Variants in TAF15 observed in about 807,000 individuals in gnomAD.
TAF15 encodes the protein TATA-binding protein-associated factor 2N.
Under a neutral mutation model 102.5 loss-of-function variants are expected in TAF15, and 37 were observed. The observed-to-expected ratio is 0.36, with a 90% CI of 0.28 to 0.47. The LOEUF (loss-of-function observed/expected upper bound fraction) is 0.47. Among genes scored for constraint, TAF15 ranks in the 20% least tolerant of loss-of-function variants. The pLI, the probability that TAF15 is intolerant of heterozygous loss-of-function variation, is 0.99. For missense variants in TAF15, 652 were observed against 760.7 expected, an observed-to-expected ratio of 0.86 and a Z score of 1.68; for synonymous variants, 273 against 259.2, an observed-to-expected ratio of 1.05 and a Z score of -0.51.
intron 2 of TAF15, among the ~76,000 whole-genome samples, chr17:35,818,888 A>G (rs1280737246): frequency 6.6e-6 from 1 of 152,152 alleles, no homozygotes; most frequent in Admixed American, 6.5e-5. Flanking sequence ...GGTGTATAAT[A>G]TGCTAATGTG....
At chr17:35,840,247 C>CTTTTTTTTTTTTTTTTTTTTTTTTTT (rs370455465) in intron 11 of TAF15, among the ~76,000 whole-genome samples, 1 of 119,404 alleles carries the variant, frequency 8.4e-6, no homozygotes. Context: ...CGTTATTTTC[C>CTTTTTTTTTTTTTTTTTTTTTTTTTT]TTTTTTTTTT....
At position 35,846,924 on chromosome 17, in the gene TAF15, T is replaced by C. The variant is rs915922895; in HGVS notation, c.1758T>C (p.Asp586=). The change falls in exon 16 of 16, where the codon GAT becomes GAC. Residue 586 remains aspartate, a synonymous_variant. Transcript: ENST00000605844. ...TTCCTAGAAACGACTACAGAAATGATCAGCGCAACCGACCATACTGATGAC... is the reference window on the plus strand; with the variant it reads ...TTCCTAGAAACGACTACAGAAATGACCAGCGCAACCGACCATACTGATGAC... The part of the protein sequence containing the change: ...KMGGRNDYRN[D]QRNRPY 6.2e-7 allele frequency: 1 copy of C among 1,614,086 alleles called. No homozygotes were observed. Among genetic ancestry groups the C allele is most frequent in the Non-Finnish European group, 8.5e-7 (1 of 1,180,044 alleles).
chr17:35,834,923 T>G (rs2143804577), intron 9 of TAF15, among the ~76,000 whole-genome samples: 1 of 151,980 alleles, frequency 6.6e-6, no homozygotes, highest in South Asian at 2.1e-4. Context: ...TTTTTGTATT[T>G]TTAGTAGAGG....
rs1310065266 is a variant in TAF15, at chr17:35,809,745, T to C, written c.7+169T>C. ...CATGTTGAACTGGAGGCACGCACGC[T>C]CCCAATGGCTCCCCGGCTGCAAATC... On this transcript the variant is annotated intron_variant, in intron 1 of 15. Coordinates refer to ENST00000605844, the MANE Select transcript of TAF15 (RefSeq NM_139215.3). The C allele has an allele frequency of 5.3e-5, 44 of 827,898 alleles. 1 individual carries two copies. The highest frequency in any genetic ancestry group is 8.1e-5 in the Non-Finnish European group (42 of 517,290). The allele number at this position is 827,898 out of a possible 1,614,324, so 51.3% of individuals were successfully genotyped here. A position where few individuals can be genotyped will look rare whatever the true frequency, so the allele number is the denominator to read the frequency against.
At chr17:35,839,039 G>A (rs2087509236) in intron 11 of TAF15, among the ~76,000 whole-genome samples, 1 of 152,040 alleles carries the variant, frequency 6.6e-6, no homozygotes, top group African/African-American at 2.4e-5. Flanking sequence ...GCTGAGGCAG[G>A]AGGATCAGTT....
intron 1 of TAF15, among the ~76,000 whole-genome samples, chr17:35,812,633 T>C (rs2087138869): frequency 6.7e-6 from 1 of 150,004 alleles, no homozygotes; most frequent in African/African-American, 2.5e-5. Context: ...TGGAGGAAAT[T>C]TCATGGTTTA....
intron 13 of TAF15, 51 bp downstream of exon 13, chr17:35,844,209 G>A: frequency 6.2e-7 from 1 of 1,611,848 alleles, no homozygotes; most frequent in South Asian, 1.1e-5. Flanking sequence ...TTGGGGCTGT[G>A]GAGGATACAG....
At chr17:35,814,395 C>T (rs551861861) in intron 1 of TAF15, among the ~76,000 whole-genome samples, 6 of 152,052 alleles carry the variant, frequency 3.9e-5, no homozygotes, top group Admixed American at 1.3e-4. Context: ...GTCTCGATCT[C>T]CTGACCTTGT....
chr17:35,840,480 C>T (rs185071180), intron 11 of TAF15, among the ~76,000 whole-genome samples: 2,214 of 150,784 alleles, frequency 0.015, 57 homozygotes, highest in African/African-American at 0.051. Flanking sequence ...TCTCCATCTC[C>T]TGACCTCGTG....
chr17:35,843,857 T>G (rs2087576702), intron 12 of TAF15, among the ~76,000 whole-genome samples: 1 of 152,194 alleles, frequency 6.6e-6, no homozygotes, highest in South Asian at 2.1e-4. Flanking sequence ...TTCTAGTGCA[T>G]TATTTGCACT....
At chr17:35,840,608 G>C (rs1166403421) in intron 11 of TAF15, among the ~76,000 whole-genome samples, 1 of 151,502 alleles carries the variant, frequency 6.6e-6, no homozygotes, top group Non-Finnish European at 1.5e-5. Context: ...GCTCATGCCT[G>C]TAATCCCAGC....
intron 9 of TAF15, 117 bp downstream of exon 9, chr17:35,834,715 C>CTGCCAGA: frequency 1.4e-6 from 1 of 729,242 alleles, no homozygotes; most frequent in East Asian, 2.8e-5. Flanking sequence ...TTTGATAGTG[C>CTGCCAGA]TGCCAGAACT....
chr17:35,833,600 G>A (rs2087433701), intron 7 of TAF15: 1 of 264,066 alleles, frequency 3.8e-6, no homozygotes, highest in Non-Finnish European at 7.2e-6. Context: ...TATTTTTCAT[G>A]CTGTGCCTCC....
At chr17:35,826,003 G>T (rs945303561) in intron 7 of TAF15, among the ~76,000 whole-genome samples, 7 of 151,932 alleles carry the variant, frequency 4.6e-5, no homozygotes, top group African/African-American at 1.7e-4. Flanking sequence ...GACTCATCTT[G>T]TAACTAGAGG....
At chr17:35,822,033 CTT>C (rs989826637) in intron 5 of TAF15, among the ~76,000 whole-genome samples, 1 of 145,976 alleles carries the variant, frequency 6.9e-6, no homozygotes. Flanking sequence ...GCATCTTTTA[CTT>C]TTTTTTTTTT....
At chr17:35,827,205 G>A (rs1399495955) in intron 7 of TAF15, among the ~76,000 whole-genome samples, 6 of 151,764 alleles carry the variant, frequency 4.0e-5, no homozygotes, top group South Asian at 2.1e-4. Context: ...GTGTGGTGGC[G>A]GGCTCCTGTA....
intron 11 of TAF15, among the ~76,000 whole-genome samples, chr17:35,840,529 G>A (rs913254559): frequency 2.0e-5 from 3 of 150,734 alleles, no homozygotes; most frequent in African/African-American, 7.3e-5. Context: ...TGGGATTACA[G>A]GCGCTCACCA....
chr17:35,844,512 T>C lies in TAF15; in HGVS notation c.1213T>C (p.Tyr405His). 1 of 1,610,990 alleles carries C rather than the reference T, an allele frequency of 6.2e-7. No individual in the cohort carries two copies. The highest frequency in any genetic ancestry group is 8.5e-7 in the Non-Finnish European group (1 of 1,178,308). Reference protein sequence around the residue: ...RGRGYGGERGYRGRGGRGGDR... With the variant: ...RGRGYGGERGHRGRGGRGGDR... ...GAGAGGCTACGGTGGAGAGAGGGGC[T>C]ACAGAGGTCGTGGGGGCAGAGGTGG... Residue 405 changes from tyrosine (Y) to histidine (H), a missense_variant, in exon 15 of 16, where the codon TAC becomes CAC. By Grantham distance (83) the Tyr-to-His change is moderately conservative (BLOSUM62 2). Around this residue, in one of 3 missense-constraint regions of TAF15, gnomAD observed 368 missense variants for 367.5 expected, o/e 1.00. Transcript: ENST00000605844.
At chr17:35,822,944 A>C in intron 6 of TAF15, 111 bp downstream of exon 6, 3 of 1,305,432 alleles carry the variant, frequency 2.3e-6, no homozygotes, top group Non-Finnish European at 3.3e-6. Context: ...AATTTAGGGT[A>C]ACCTTGAAGA....
Sources: gnomAD v4.1 joint callset for allele counts (sites outside exome capture counted in the v4.1 genomes callset) on GRCh38, gnomAD v4.1.1 for gene constraint, gnomAD v4.1.1 regional missense constraint, MANE v1.5 for transcripts, NCBI Gene and HGNC (gene_info 2026-07-23, HGNC 2026-07-21) for gene names.